ADAM7: variants seen among roughly 807,000 people sequenced by gnomAD.
The protein encoded by ADAM7 is disintegrin and metalloproteinase domain-containing protein 7.
Under a neutral mutation model 102.9 loss-of-function variants are expected in ADAM7, and 97 were observed. The ratio of observed to expected loss-of-function variants is 0.94; its 90% CI spans 0.80 to 1.12. ADAM7 has a LOEUF of 1.12. ADAM7 is among the 50% of genes most tolerant of loss of function. ADAM7 has a pLI of 0.00. For synonymous variants in ADAM7, 334 were observed against 304.4 expected, an observed-to-expected ratio of 1.10 and a Z score of -1.01; for missense variants, 991 against 908.7, an observed-to-expected ratio of 1.09 and a Z score of -1.16.
intron 3 of ADAM7, among the ~76,000 whole-genome samples, chr8:24,448,474 T>C (rs1161556856): frequency 1.3e-5 from 2 of 152,140 alleles, no homozygotes; most frequent in Non-Finnish European, 2.9e-5. Context: ...ATTCCCTCAG[T>C]TCTACAAAGT....
chr8:24,480,347 T>C (rs532530170), intron 8 of ADAM7, among the ~76,000 whole-genome samples: 5 of 152,282 alleles, frequency 3.3e-5, no homozygotes, highest in Admixed American at 2.0e-4. Context: ...TGCCTGGCCA[T>C]TGTATCCCTT....
intron 16 of ADAM7, among the ~76,000 whole-genome samples, chr8:24,498,315 CATG>C (rs1427465760): frequency 6.6e-6 from 1 of 151,558 alleles, no homozygotes; most frequent in Admixed American, 6.6e-5. Flanking sequence ...GAAGTAAAAA[CATG>C]ATAAATTTCT....
chr8:24,449,862 A>C (rs967612152), intron 3 of ADAM7, among the ~76,000 whole-genome samples: 4 of 152,186 alleles, frequency 2.6e-5, no homozygotes, highest in East Asian at 1.9e-4. Flanking sequence ...TCAGCTTTCT[A>C]CATATGGCTA....
intron 17 of ADAM7, among the ~76,000 whole-genome samples, chr8:24,499,824 ACACAT>A (rs1300965848): frequency 2.0e-5 from 3 of 148,364 alleles, no homozygotes; most frequent in African/African-American, 7.7e-5. Flanking sequence ...ACACACACAC[ACACAT>A]CACACATCAC....
rs7832542 is a variant in ADAM7, at chr8:24,448,061, T to G, written c.233+799T>G. On this transcript the variant is annotated intron_variant, in intron 3 of 21. Transcript: ENST00000175238. ...TAATAAACATAATCCCATAACCATA[T>G]TGATAATACATTTAGACTCTGCATA... 2.3e-3 allele frequency among the ~76,000 whole-genome samples: 355 copies of G among 152,024 alleles called. 2 individuals carry two copies. Among genetic ancestry groups the G allele is most frequent in the African/African-American group, 8.2e-3 (341 of 41,442 alleles).
At chr8:24,463,228 G>T (rs1447817634) in intron 3 of ADAM7, among the ~76,000 whole-genome samples, 1 of 152,114 alleles carries the variant, frequency 6.6e-6, no homozygotes, top group Non-Finnish European at 1.5e-5. Flanking sequence ...ACTTCTAGAA[G>T]ATTCTTATGT....
At chr8:24,461,468 G>A (rs1403467126) in intron 3 of ADAM7, among the ~76,000 whole-genome samples, 1 of 152,140 alleles carries the variant, frequency 6.6e-6, no homozygotes, top group Non-Finnish European at 1.5e-5. Context: ...TCTGCAATCC[G>A]ACAGTGATGT....
chr8:24,482,080 G>A, intron 8 of ADAM7, 62 bp from the exon 9 acceptor site: 2 of 1,206,098 alleles, frequency 1.7e-6, no homozygotes, highest in South Asian at 3.2e-5. Flanking sequence ...AAGGAATATA[G>A]TAATATTGAA....
chr8:24,469,823 C>T (rs532947281), intron 7 of ADAM7, among the ~76,000 whole-genome samples: 1 of 151,950 alleles, frequency 6.6e-6, no homozygotes, highest in South Asian at 2.1e-4. Flanking sequence ...AACGTATATA[C>T]CCTTGAAAAA....
At chr8:24,501,068 T>A (rs1010935834) in intron 19 of ADAM7, among the ~76,000 whole-genome samples, 173 bp downstream of exon 19, 25 of 152,160 alleles carry the variant, frequency 1.6e-4, no homozygotes, top group Non-Finnish European at 3.2e-4. Flanking sequence ...GATGCTAATA[T>A]CAATGATTCC....
chr8:24,484,129 A>G (rs553211385), intron 9 of ADAM7, among the ~76,000 whole-genome samples: 107 of 152,286 alleles, frequency 7.0e-4, no homozygotes, highest in African/African-American at 2.2e-3. Context: ...CCCTCCATAC[A>G]TGTGGTTTTC....
chr8:24,462,453 C>G (rs1380026585), intron 3 of ADAM7, among the ~76,000 whole-genome samples: 1 of 152,154 alleles, frequency 6.6e-6, no homozygotes, highest in East Asian at 1.9e-4. Context: ...AGACTTCAGC[C>G]TGACCTCAAG....
At chr8:24,474,327 T>C (rs1250916990) in intron 7 of ADAM7, among the ~76,000 whole-genome samples, 1 of 152,166 alleles carries the variant, frequency 6.6e-6, no homozygotes, top group Non-Finnish European at 1.5e-5. Context: ...AATAATAATA[T>C]ATGTGTTATT....
chr8:24,463,407 G>C (rs1819316897), intron 3 of ADAM7, among the ~76,000 whole-genome samples: 1 of 152,008 alleles, frequency 6.6e-6, no homozygotes, highest in African/African-American at 2.4e-5. Flanking sequence ...GAGAGATTGG[G>C]CTCAATTCCA....
At chr8:24,495,015 G>A (rs915251756) in intron 16 of ADAM7, among the ~76,000 whole-genome samples, 4 of 152,126 alleles carry the variant, frequency 2.6e-5, no homozygotes, top group African/African-American at 9.7e-5. Flanking sequence ...AGGCTTATGG[G>A]GAGTCAGGAC....
chr8:24,462,864 T>G (rs1261966376), intron 3 of ADAM7, among the ~76,000 whole-genome samples: 1 of 152,174 alleles, frequency 6.6e-6, no homozygotes, highest in Non-Finnish European at 1.5e-5. Flanking sequence ...AAGACTGACA[T>G]GAAATACATC....
At chr8:24,500,380 T>G in intron 18 of ADAM7, 124 bp downstream of exon 18, 1 of 828,746 alleles carries the variant, frequency 1.2e-6, no homozygotes, top group South Asian at 2.0e-5. Context: ...GGTCTTCATA[T>G]TATTGTGCAT....
Position 24,467,825 on chromosome 8 carries a change from G to T in ADAM7, c.579+837G>T, listed in dbSNP as rs1374494704. Among the ~76,000 whole-genome samples the T allele has an allele frequency of 2.0e-5, 3 of 152,260 alleles. No individual in the cohort carries two copies. The East Asian group carries it at 5.8e-4, about 29-fold the overall frequency. On this transcript the variant is annotated intron_variant, in intron 6 of 21. Transcript: ENST00000175238. ...CATGCCTGTAATCCCAACACTTTGG[G>T]AGGCTGAGGCGGGCCGATCATCTGA...
rs149253188 is a variant in ADAM7, at chr8:24,441,124, A to G, written c.16A>G (p.Ile6Val). 8.6e-5 allele frequency: 139 copies of G among 1,613,664 alleles called. No individual in the cohort carries two copies. Among genetic ancestry groups the G allele is most frequent in the Non-Finnish European group, 1.1e-4 (128 of 1,179,712 alleles). The change falls in exon 1 of 22, where the codon ATA becomes GTA. Residue 6 changes from isoleucine to valine, a missense_variant. Physicochemically the swap from Ile to Val is conservative, Grantham distance 29. Coordinates refer to ENST00000175238, the MANE Select transcript of ADAM7 (RefSeq NM_003817.4). MLPGC[I>V]FLMILLIPQV... The stretch of plus-strand genomic sequence containing the variant: ...ATCACTCAGAATGCTTCCCGGGTGT[A>G]TATTCTTGATGATTTTACTCATTCC...
Sources: gnomAD v4.1 joint callset for allele counts (sites outside exome capture counted in the v4.1 genomes callset) on GRCh38, gnomAD v4.1.1 for gene constraint, MANE v1.5 for transcripts, NCBI Gene and HGNC (gene_info 2026-07-23, HGNC 2026-07-21) for gene names.